The following SCHIP1 variants were observed in gnomAD, a reference collection of about 807,000 sequenced individuals.
SCHIP1 encodes the protein schwannomin interacting protein 1, also known as schwannomin-interacting protein 1.
Under a neutral mutation model 29.7 loss-of-function variants are expected in SCHIP1, and 8 were observed. The ratio of observed to expected loss-of-function variants is 0.27; its 90% CI spans 0.16 to 0.49. The LOEUF is 0.49. Ranked by LOEUF, SCHIP1 falls within the 20% of genes least tolerant of loss-of-function variation. The pLI is 0.99. For synonymous variants in SCHIP1, 76 were observed against 94.9 expected, an observed-to-expected ratio of 0.80 and a Z score of 1.16; for missense variants, 193 against 294.6, an observed-to-expected ratio of 0.66 and a Z score of 2.52.
At chr3:159,382,857 G>C in the SCHIP1 span, among the ~76,000 whole-genome samples, 1 of 152,174 alleles carries the variant, frequency 6.6e-6, no homozygotes, top group Admixed American at 6.5e-5. Context: ...ATGATGGCCA[G>C]TGATGGTGAG....
the SCHIP1 span, among the ~76,000 whole-genome samples, chr3:159,713,229 A>AAAGG: frequency 4.7e-5 from 5 of 106,702 alleles, no homozygotes; most frequent in Admixed American, 9.5e-5. Context: ...AGAGAGAAAG[A>AAAGG]AAGGAAGAAA....
At chr3:159,541,498 C>A in the SCHIP1 span, among the ~76,000 whole-genome samples, 2 of 151,942 alleles carry the variant, frequency 1.3e-5, no homozygotes, top group African/African-American at 4.8e-5. Flanking sequence ...TTTCATAGAT[C>A]CACTGTAGCA....
At chr3:159,448,587 A>T in the SCHIP1 span, among the ~76,000 whole-genome samples, 1 of 151,258 alleles carries the variant, frequency 6.6e-6, no homozygotes, top group African/African-American at 2.5e-5. Context: ...TAATTTTAAG[A>T]TTTGCCATAA....
At chr3:159,708,827 T>C in the SCHIP1 span, among the ~76,000 whole-genome samples, 1 of 152,194 alleles carries the variant, frequency 6.6e-6, no homozygotes, top group Non-Finnish European at 1.5e-5. Context: ...TAACTGGAGC[T>C]GCAATCTTCC....
chr3:159,603,216 G>A, the SCHIP1 span, among the ~76,000 whole-genome samples: 2 of 152,198 alleles, frequency 1.3e-5, no homozygotes, highest in Non-Finnish European at 2.9e-5. Flanking sequence ...AGTTACGGGG[G>A]AAACGACACA....
chr3:159,779,943 C>A, the SCHIP1 span, among the ~76,000 whole-genome samples: 1 of 152,122 alleles, frequency 6.6e-6, no homozygotes, highest in Non-Finnish European at 1.5e-5. Context: ...GAAATACCCT[C>A]CTCTATATTC....
chr3:159,716,023 G>C, the SCHIP1 span, among the ~76,000 whole-genome samples: 4 of 151,282 alleles, frequency 2.6e-5, no homozygotes, highest in South Asian at 8.4e-4. Flanking sequence ...ACCCACAAAG[G>C]GAAGCCCATC....
intron 2 of SCHIP1, among the ~76,000 whole-genome samples, chr3:159,875,513 ATTAT>A (rs1348063796): frequency 1.3e-5 from 2 of 152,200 alleles, no homozygotes; most frequent in African/African-American, 4.8e-5. Context: ...GTTTCTAGGA[ATTAT>A]TTTTCATTGG....
the SCHIP1 span, among the ~76,000 whole-genome samples, chr3:159,438,877 A>G: frequency 1.3e-5 from 2 of 152,092 alleles, no homozygotes; most frequent in South Asian, 4.2e-4. Flanking sequence ...CATTTTCTCT[A>G]TCCTGTCTAT....
chr3:159,601,254 T>TG, the SCHIP1 span, among the ~76,000 whole-genome samples: 39 of 152,304 alleles, frequency 2.6e-4, no homozygotes, highest in African/African-American at 8.7e-4. Flanking sequence ...GACTACCCTC[T>TG]GGGTCTTGAG....
At chr3:159,613,437 G>T in the SCHIP1 span, among the ~76,000 whole-genome samples, 3 of 152,260 alleles carry the variant, frequency 2.0e-5, no homozygotes, top group East Asian at 5.8e-4. Flanking sequence ...ATAGGTTTAT[G>T]AATTTATTTT....
At chr3:159,382,295 C>G in the SCHIP1 span, among the ~76,000 whole-genome samples, 2 of 146,332 alleles carry the variant, frequency 1.4e-5, no homozygotes, top group Non-Finnish European at 3.0e-5. Flanking sequence ...GTGTGATGTT[C>G]CCCTTCATGT....
At chr3:159,690,005 T>C in the SCHIP1 span, among the ~76,000 whole-genome samples, 1 of 152,224 alleles carries the variant, frequency 6.6e-6, no homozygotes, top group African/African-American at 2.4e-5. Flanking sequence ...TTTGCCAGTA[T>C]TTTATTGAGG....
chr3:159,790,995 C>T, the SCHIP1 span, among the ~76,000 whole-genome samples: 4 of 152,178 alleles, frequency 2.6e-5, no homozygotes, highest in African/African-American at 9.6e-5. Flanking sequence ...CCTAAAACCG[C>T]TTCTGAGAAA....
the SCHIP1 span, among the ~76,000 whole-genome samples, chr3:159,591,867 A>G: frequency 6.6e-6 from 1 of 152,010 alleles, no homozygotes; most frequent in South Asian, 2.1e-4. Flanking sequence ...GCAAACCACC[A>G]TGGCACATGT....
chr3:159,529,229 C>A, the SCHIP1 span, among the ~76,000 whole-genome samples: 1 of 152,110 alleles, frequency 6.6e-6, no homozygotes, highest in African/African-American at 2.4e-5. Context: ...CATAATAAAT[C>A]CTTCACTGCA....
At chr3:159,825,909 G>C in the SCHIP1 span, among the ~76,000 whole-genome samples, 1 of 152,206 alleles carries the variant, frequency 6.6e-6, no homozygotes, top group African/African-American at 2.4e-5. Flanking sequence ...AACAGCTTGT[G>C]TGAGGGCCCT....
At chr3:159,583,478 C>T in the SCHIP1 span, among the ~76,000 whole-genome samples, 1 of 152,134 alleles carries the variant, frequency 6.6e-6, no homozygotes, top group East Asian at 1.9e-4. Context: ...ATCCGCTAAA[C>T]ATTATAGACA....
chr3:159,777,854 T>G, the SCHIP1 span, among the ~76,000 whole-genome samples: 1 of 152,236 alleles, frequency 6.6e-6, no homozygotes, highest in Non-Finnish European at 1.5e-5. Context: ...GTGGAGGACC[T>G]GTTGAAAATA....
Sources: allele counts gnomAD v4.1 joint callset (sites outside exome capture counted in the v4.1 genomes callset), GRCh38; gene constraint gnomAD v4.1.1; transcripts MANE v1.5; gene names NCBI Gene and HGNC (gene_info 2026-07-23, HGNC 2026-07-21).